FRMD3: variants seen among roughly 807,000 people sequenced by gnomAD.
FRMD3 encodes the protein FERM domain containing 3.
Under a neutral mutation model 70.2 loss-of-function variants are expected in FRMD3, and 33 were observed. The observed-to-expected ratio is 0.47, with a 90% confidence interval of 0.36 to 0.63. FRMD3 has a LOEUF of 0.63. Ranked by LOEUF, FRMD3 falls within the 20% of genes least tolerant of loss-of-function variation. The pLI is 0.00. For missense variants in FRMD3, 632 were observed against 711.4 expected (o/e 0.89, Z 1.27); for synonymous variants, 279 against 255.9 (o/e 1.09, Z -0.86).
At chr9:83,391,827 G>A (rs1406405146) in intron 1 of FRMD3, among the ~76,000 whole-genome samples, 1 of 152,162 alleles carries the variant, frequency 6.6e-6, no homozygotes, top group African/African-American at 2.4e-5. Context: ...TGGATTCTAG[G>A]TCTTTGCTAC....
intron 1 of FRMD3, among the ~76,000 whole-genome samples, chr9:83,447,752 T>C (rs1218348773): frequency 6.6e-6 from 1 of 152,030 alleles, no homozygotes. Flanking sequence ...CAGCACAGGG[T>C]AGGAGCTCCT....
At chr9:83,347,044 T>C (rs1042538654) in intron 4 of FRMD3, among the ~76,000 whole-genome samples, 6 of 152,250 alleles carry the variant, frequency 3.9e-5, no homozygotes, top group Non-Finnish European at 7.3e-5. Flanking sequence ...AAAGCATTTC[T>C]TTCTACTTTT....
At chr9:83,467,500 C>T (rs1828160130) in intron 1 of FRMD3, 2 of 751,476 alleles carry the variant, frequency 2.7e-6, no homozygotes, top group Admixed American at 4.1e-5. Context: ...AATTTCACAT[C>T]CCCTTCTAAT....
chr9:83,450,370 T>TTTA (rs60674885), intron 1 of FRMD3, among the ~76,000 whole-genome samples: 21,989 of 118,936 alleles, frequency 0.18, 1,975 homozygotes, highest in Non-Finnish European at 0.22. Flanking sequence ...TTTTTTTTTT[T>TTTA]ATTATACTCT....
intron 12 of FRMD3, among the ~76,000 whole-genome samples, chr9:83,296,474 G>T (rs931010074): frequency 3.3e-5 from 5 of 152,228 alleles, no homozygotes; most frequent in African/African-American, 1.2e-4. Context: ...AGATGACCAA[G>T]ATAGACACGG....
At chr9:83,454,426 C>A (rs1369892381) in intron 1 of FRMD3, among the ~76,000 whole-genome samples, 1 of 152,166 alleles carries the variant, frequency 6.6e-6, no homozygotes, top group East Asian at 1.9e-4. Context: ...TCAAGAGTTA[C>A]ACCCACATTT....
At chr9:83,542,043 G>C (rs1242778808), upstream of FRMD3, among the ~76,000 whole-genome samples, 1 of 152,050 alleles carries the variant, frequency 6.6e-6, no homozygotes, top group Non-Finnish European at 1.5e-5. Flanking sequence ...CTCCCAAGTA[G>C]CTGGGATGAC....
At chr9:83,509,359 G>A (rs900278175) in intron 1 of FRMD3, among the ~76,000 whole-genome samples, 3 of 152,182 alleles carry the variant, frequency 2.0e-5, no homozygotes, top group Non-Finnish European at 2.9e-5. Context: ...TCTCTGGCAG[G>A]CTCAATTTCT....
intron 1 of FRMD3, among the ~76,000 whole-genome samples, chr9:83,421,331 T>C (rs1164219270): frequency 1.3e-5 from 2 of 152,204 alleles, no homozygotes; most frequent in African/African-American, 4.8e-5. Context: ...CAGGGTGTGC[T>C]GTATGCCCTG....
At chr9:83,544,723 C>T in the FRMD3 span, among the ~76,000 whole-genome samples, 6 of 152,172 alleles carry the variant, frequency 3.9e-5, no homozygotes, top group Admixed American at 2.6e-4. Flanking sequence ...ATGCCCAGTA[C>T]ACCACTACTA....
intron 7 of FRMD3, 21 bp from the exon 8 acceptor site, chr9:83,311,996 A>T (rs752414310): frequency 1.3e-6 from 2 of 1,544,744 alleles, no homozygotes; most frequent in Non-Finnish European, 1.8e-6. Flanking sequence ...AAAAAAAGAA[A>T]AAAGAAAAAT....
intron 1 of FRMD3, among the ~76,000 whole-genome samples, chr9:83,477,230 C>G (rs976780657): frequency 1.3e-5 from 2 of 152,154 alleles, no homozygotes; most frequent in African/African-American, 4.8e-5. Flanking sequence ...AGTGTAGGAA[C>G]TTTTGACAAC....
At chr9:83,263,104 A>G (rs1833063492) in intron 13 of FRMD3, among the ~76,000 whole-genome samples, 1 of 152,230 alleles carries the variant, frequency 6.6e-6, no homozygotes, top group Non-Finnish European at 1.5e-5. Flanking sequence ...ACTGAAAGAA[A>G]CAGCAGAAAC....
intron 1 of FRMD3, among the ~76,000 whole-genome samples, chr9:83,505,820 A>C (rs932197207): frequency 6.6e-6 from 1 of 152,192 alleles, no homozygotes; most frequent in African/African-American, 2.4e-5. Flanking sequence ...ATTTTCCTGC[A>C]TCGCATGTTT....
At chr9:83,243,485 C>T (rs1831946520), downstream of FRMD3, among the ~76,000 whole-genome samples, 1 of 152,182 alleles carries the variant, frequency 6.6e-6, no homozygotes, top group Non-Finnish European at 1.5e-5. Flanking sequence ...GCAAGAGTTT[C>T]CTCCAGGCAG....
intron 13 of FRMD3, chr9:83,281,595 C>G (rs1272270060): frequency 6.6e-6 from 1 of 152,210 alleles, no homozygotes; most frequent in Non-Finnish European, 1.5e-5. Flanking sequence ...TGAATTGCTT[C>G]CACGAAGACA....
At chr9:83,350,501 T>C (rs561369517) in intron 3 of FRMD3, among the ~76,000 whole-genome samples, 2 of 151,312 alleles carry the variant, frequency 1.3e-5, no homozygotes, top group African/African-American at 4.8e-5. Context: ...CACATGCCTG[T>C]AATCCCAGCT....
intron 5 of FRMD3, among the ~76,000 whole-genome samples, chr9:83,341,413 C>A (rs1376776631): frequency 6.6e-6 from 1 of 152,024 alleles, no homozygotes; most frequent in East Asian, 1.9e-4. Flanking sequence ...ATTATAGATC[C>A]ATATTGAGCA....
chr9:83,303,870 A>G (rs531709187), intron 10 of FRMD3, among the ~76,000 whole-genome samples: 2 of 152,184 alleles, frequency 1.3e-5, no homozygotes, highest in Non-Finnish European at 2.9e-5. Flanking sequence ...TGTCACTGCA[A>G]TGGGTATTGG....
Sources: gnomAD v4.1 joint callset for allele counts (sites outside exome capture counted in the v4.1 genomes callset) on GRCh38, gnomAD v4.1.1 for gene constraint, MANE v1.5 for transcripts, NCBI Gene and HGNC (gene_info 2026-07-23, HGNC 2026-07-21) for gene names.